Variants in G6PD observed in about 807,000 individuals in gnomAD.
The protein encoded by G6PD is glucose-6-phosphate dehydrogenase, also known as glucose-6-phosphate 1-dehydrogenase.
A neutral mutation model predicts 38.2 loss-of-function variants in G6PD; 2 were observed. The ratio of observed to expected loss-of-function variants is 0.05; its 90% CI spans 0.02 to 0.16. The LOEUF (loss-of-function observed/expected upper bound fraction) is 0.16, where lower values mean the gene tolerates loss of function less well. Ranked by LOEUF, G6PD falls within the 10% of genes least tolerant of loss-of-function variation. The pLI is 1.00. For synonymous variants in G6PD, 188 were observed against 196.0 expected (o/e 0.96, Z 0.34); for missense variants, 310 against 471.6 (o/e 0.66, Z 3.17).
At chrX:154,535,145 G>A (rs2070392418) in intron 5 of G6PD, 23 bp downstream of exon 5, 5 of 1,198,710 alleles carry the variant, frequency 4.2e-6, no homozygotes, top group South Asian at 1.8e-5. Context: ...CAGGCGGGAA[G>A]GGAGGGCAAC....
Position 154,532,173 on chromosome X carries a change from C to T in G6PD, c.1457+15G>A. ...GCCCGCTGGGCTCTGTCCCCAGCCC[C>T]CACCCTTTCCTCACCTGCCATAAAT... On this transcript the variant is annotated intron_variant, in intron 12 of 12. Transcript: ENST00000393562. The T allele has an allele frequency of 8.3e-7, 1 of 1,208,942 alleles. No individual in the cohort carries two copies. Among genetic ancestry groups the T allele is most frequent in the South Asian group, 1.8e-5 (1 of 56,512 alleles).
At chrX:154,535,890 G>A in intron 4 of G6PD, 47 bp downstream of exon 4, 1 of 1,074,858 alleles carries the variant, frequency 9.3e-7, no homozygotes, top group South Asian at 1.9e-5. Flanking sequence ...GCTGGGGGCT[G>A]GTAGAGAGGG....
At position 154,532,675 on chromosome X, in the gene G6PD, G is replaced by A. The variant is rs782459284; in HGVS notation, c.1179C>T (p.Arg393=). Residue 393 remains arginine, a synonymous_variant, in exon 10 of 13, where the codon CGC becomes CGT. Coordinates refer to ENST00000393562, the MANE Select transcript of G6PD (RefSeq NM_001360016.2). ...TGTACACGGCCTCGTTGGGCTGCAC[G>A]CGGATCACCAGCTCGTTGCGCTTGC... ...QQCKRNELVI[R]VQPNEAVYTK... The A allele has an allele frequency of 8.2e-7, 1 of 1,212,319 alleles. No individual in the cohort carries two copies. The highest frequency in any genetic ancestry group is 2.2e-5 in the Admixed American group (1 of 46,143).
intron 2 of G6PD, 129 bp from the exon 3 acceptor site, chrX:154,536,307 C>A: frequency 1.6e-6 from 1 of 615,529 alleles, no homozygotes; most frequent in East Asian, 3.5e-5. Context: ...TCTGTCTTGC[C>A]TGATATACAG....
intron 2 of G6PD, among the ~76,000 whole-genome samples, chrX:154,543,781 C>T (rs1557232530): frequency 4.5e-5 from 5 of 110,114 alleles, no homozygotes; most frequent in Non-Finnish European, 9.5e-5. Context: ...GCAACCTCCA[C>T]CTCCTGGGTT....
rs144228258 is a variant in G6PD, at chrX:154,543,529, T to C, written c.120+2507A>G. ...GAAGGCCAGGAGTCATAAGCTATCA[T>C]TGTGGCCTGGGTTGCTCTGTTGCAG... On this transcript the variant is annotated intron_variant, in intron 2 of 12. Transcript: ENST00000393562. Among the ~76,000 whole-genome samples the C allele has an allele frequency of 3.2e-4, 36 of 111,983 alleles. No individual in the cohort carries two copies. In the East Asian group the frequency reaches 0.01, roughly 31 times the overall value.
chrX:154,535,079 TC>T (rs2070391231), intron 5 of G6PD, 88 bp downstream of exon 5: 7 of 941,488 alleles, frequency 7.4e-6, no homozygotes, highest in African/African-American at 1.9e-5. Context: ...GCTGCCCAGA[TC>T]CCCGGCCCCG....
intron 2 of G6PD, among the ~76,000 whole-genome samples, chrX:154,537,989 G>A (rs2070429927): frequency 2.0e-5 from 2 of 100,304 alleles, no homozygotes; most frequent in Admixed American, 2.1e-4. Flanking sequence ...GAAATCAGGA[G>A]GTTTTTTTTT....
chrX:154,537,185 G>C (rs782666262), intron 2 of G6PD, among the ~76,000 whole-genome samples: 1 of 111,251 alleles, frequency 9.0e-6, no homozygotes, highest in Admixed American at 9.5e-5. Flanking sequence ...GGTGTCTGTA[G>C]TCCCAGCTAC....
upstream of G6PD, chrX:154,547,079 G>C (rs1461324234): frequency 1.2e-5 from 2 of 164,904 alleles, no homozygotes; most frequent in Non-Finnish European, 2.3e-5. Context: ...CCGCTGCTCT[G>C]CATCCCCAAT....
chrX:154,532,765 G>A lies in G6PD; in HGVS notation c.1089C>T (p.Asn363=). Reference sequence around the variant, plus strand: ...GCAGCCTCACCTCGGCCTTGCGCTCGTTCAGGGCCTTGCCGCAGCGCAGGA... The same window carrying A: ...GCAGCCTCACCTCGGCCTTGCGCTCATTCAGGGCCTTGCCGCAGCGCAGGA... ...PFILRCGKAL[N]ERKAEVRLQF... The change falls in exon 10 of 13, where the codon AAC becomes AAT. Residue 363 remains asparagine, a synonymous_variant. Coordinates refer to ENST00000393562, the MANE Select transcript of G6PD (RefSeq NM_001360016.2). The A allele has an allele frequency of 1.7e-6, 2 of 1,210,296 alleles. No homozygotes were observed. Among genetic ancestry groups the A allele is most frequent in the African/African-American group, 1.7e-5 (1 of 57,918 alleles).
rs2070740111 is a variant in G6PD at position 154,546,833 on chromosome X, G to A, written c.-53C>T. 4 of 1,147,445 alleles carry A rather than the reference G, an allele frequency of 3.5e-6. No individual in the cohort carries two copies. The South Asian group carries it at 5.9e-5, about 17-fold the overall frequency. 94.6% of individuals were successfully genotyped at this position (1,147,445 alleles called of 1,213,427 possible). On this transcript the variant is annotated 5_prime_UTR_variant, in exon 1 of 13. Transcript: ENST00000393562. Reference sequence around the variant, plus strand: ...CCCTCCGCGCTCGCAGCCCCGAAGTGTACGACCGTTTCCGGGGGCTGAGCC... The same window carrying A: ...CCCTCCGCGCTCGCAGCCCCGAAGTATACGACCGTTTCCGGGGGCTGAGCC...
At chrX:154,544,849 C>T (rs950437328) in intron 2 of G6PD, among the ~76,000 whole-genome samples, 2 of 112,386 alleles carry the variant, frequency 1.8e-5, no homozygotes, top group Non-Finnish European at 3.8e-5. Context: ...TGTGACAGCG[C>T]GTTGTTCTAT....
intron 8 of G6PD, 67 bp downstream of exon 8, chrX:154,533,509 C>T: frequency 8.5e-7 from 1 of 1,173,549 alleles, no homozygotes; most frequent in South Asian, 1.8e-5. Flanking sequence ...CACACCCCAG[C>T]TCAGTGCCTC....
intron 8 of G6PD, 32 bp downstream of exon 8, chrX:154,533,544 C>T (rs1557230026): frequency 8.3e-7 from 1 of 1,205,575 alleles, no homozygotes; most frequent in African/African-American, 1.7e-5. Flanking sequence ...TGCGACAGGG[C>T]ATGCTCCTGG....
At chrX:154,545,075 C>T (rs1249791438) in intron 2 of G6PD, among the ~76,000 whole-genome samples, 2 of 111,744 alleles carry the variant, frequency 1.8e-5, no homozygotes, top group South Asian at 3.7e-4. Flanking sequence ...TTCCACCAGC[C>T]CCTGCACAGT....
At chrX:154,540,171 G>A (rs932538995) in intron 2 of G6PD, among the ~76,000 whole-genome samples, 76 of 108,471 alleles carry the variant, frequency 7.0e-4, no homozygotes, top group African/African-American at 2.3e-3. Context: ...GTGAAACCCC[G>A]TCTCTACTAA....
chrX:154,546,238 T>C, intron 1 of G6PD, 75 bp from the exon 2 acceptor site: 11 of 1,153,205 alleles, frequency 9.5e-6, no homozygotes, highest in Non-Finnish European at 1.2e-5. Flanking sequence ...TCTTGAGAGT[T>C]CCTCTGGGGT....
At chrX:154,536,681 T>C (rs2070411887) in intron 2 of G6PD, among the ~76,000 whole-genome samples, 1 of 110,310 alleles carries the variant, frequency 9.1e-6, no homozygotes, top group Non-Finnish European at 1.9e-5. Context: ...AATACAAAAA[T>C]TAGCCAGGTG....
Sources: allele counts gnomAD v4.1 joint callset (sites outside exome capture counted in the v4.1 genomes callset), GRCh38; gene constraint gnomAD v4.1.1; transcripts MANE v1.5; gene names NCBI Gene and HGNC (gene_info 2026-07-23, HGNC 2026-07-21).